The following ZW10 variants were observed in gnomAD, a reference collection of about 807,000 sequenced individuals.
ZW10 encodes the protein centromere/kinetochore protein zw10 homolog.
In ZW10, 53 loss-of-function variants were observed where a neutral mutation model predicts 87.8. That is an observed-to-expected ratio of 0.60 (90% CI 0.48 to 0.76). ZW10 has a LOEUF of 0.76. Among genes scored for constraint, ZW10 ranks in the 30% least tolerant of loss-of-function variants. The probability of loss-of-function intolerance (pLI) is 0.00; values close to 1 mark genes in which losing one functional copy is unlikely to be tolerated. For missense variants in ZW10, 837 were observed against 923.0 expected (o/e 0.91, Z 1.21); for synonymous variants, 312 against 329.2 (o/e 0.95, Z 0.57).
chr11:113,768,219 C>T (rs1315542360), intron 2 of ZW10, among the ~76,000 whole-genome samples: 1 of 152,198 alleles, frequency 6.6e-6, no homozygotes. Flanking sequence ...TCCCATATGA[C>T]AGAGCTTCAA....
intron 7 of ZW10, among the ~76,000 whole-genome samples, chr11:113,754,830 C>A (rs2134884091): frequency 6.6e-6 from 1 of 152,166 alleles, no homozygotes; most frequent in African/African-American, 2.4e-5. Context: ...TTACCCATAG[C>A]AATACCCAGG....
In ZW10 at chr11:113,773,634, G is replaced by C. The variant is rs1266684950; in HGVS notation, c.33C>G (p.His11Gln). 5 of 1,614,032 alleles carry C rather than the reference G, an allele frequency of 3.1e-6. No individual in the cohort carries two copies. Among genetic ancestry groups the C allele is most frequent in the Non-Finnish European group, 4.2e-6 (5 of 1,179,972 alleles). Residue 11 changes from histidine to glutamine, a missense_variant, in exon 1 of 16, where the codon CAC becomes CAG. Physicochemically the swap from His to Gln is conservative, Grantham distance 24. Transcript: ENST00000200135. MASFVTEVLA[H>Q]SGRLEKEDLG... ...GATCCTCCTTTTCCAGCCTCCCGGA[G>C]TGTGCCAAAACTTCTGTCACGAACG...
intron 2 of ZW10, among the ~76,000 whole-genome samples, chr11:113,766,182 G>A (rs1413751073): frequency 6.6e-6 from 1 of 151,380 alleles, no homozygotes; most frequent in Non-Finnish European, 1.5e-5. Context: ...ACCAGCCTGG[G>A]CAACATTGTG....
In ZW10 at chr11:113,741,716, C is replaced by T; in HGVS notation, c.1561G>A (p.Asp521Asn). The T allele has an allele frequency of 1.9e-6, 3 of 1,607,112 alleles. No individual in the cohort carries two copies. The highest frequency in any genetic ancestry group is 2.5e-6 in the Non-Finnish European group (3 of 1,176,672). ...SVRNIFHLFH[D>N]VVPTYHKENL... ...TACTTGTGATATGTTGGTACAACAT[C>T]ATGGAACAAATGGAAGATATTCCTC... The change falls in exon 11 of 16, where the codon GAT becomes AAT. Residue 521 changes from aspartate (D) to asparagine (N), a missense_variant. Physicochemically the swap from Asp to Asn is conservative, Grantham distance 23 (BLOSUM62 1). Transcript: ENST00000200135.
chr11:113,750,590 C>A (rs1953724438), intron 7 of ZW10, among the ~76,000 whole-genome samples: 1 of 152,166 alleles, frequency 6.6e-6, no homozygotes, highest in Admixed American at 6.5e-5. Flanking sequence ...AGGCATGAGC[C>A]ACCGCGCCTG....
intron 7 of ZW10, among the ~76,000 whole-genome samples, chr11:113,754,918 G>A (rs1953767564): frequency 6.6e-6 from 1 of 152,262 alleles, no homozygotes. Flanking sequence ...TTGGATTACA[G>A]GTGTGAGCTA....
intron 2 of ZW10, among the ~76,000 whole-genome samples, chr11:113,764,903 A>G: frequency 6.6e-6 from 1 of 151,572 alleles, no homozygotes; most frequent in East Asian, 1.9e-4. Context: ...TTTTCTGACC[A>G]CTCCGTATAT....
chr11:113,741,626 G>A (rs1276486135), intron 11 of ZW10, 68 bp downstream of exon 11: 1 of 1,044,616 alleles, frequency 9.6e-7, no homozygotes, highest in Non-Finnish European at 1.4e-6. Context: ...AAAATTATTT[G>A]TTTTAACTTA....
chr11:113,752,451 T>G (rs1441879510), intron 7 of ZW10, among the ~76,000 whole-genome samples: 1 of 152,214 alleles, frequency 6.6e-6, no homozygotes, highest in Non-Finnish European at 1.5e-5. Context: ...TACTGGTTTT[T>G]GGGGTTTTAT....
Position 113,738,316 on chromosome 11 carries a change from G to A in ZW10, c.1832C>T (p.Ser611Leu). Reference protein sequence around the residue: ...LERLSSARNFSNMDDEENYSA... With the variant: ...LERLSSARNFLNMDDEENYSA... ...ATAATTCTCTTCATCGTCCATATTT[G>A]AAAAGTTCCTAGCACTTGATAATCT... The change falls in exon 13 of 16, where the codon TCA becomes TTA. Residue 611 changes from serine (S) to leucine (L), a missense_variant. Ser to Leu is a moderately radical substitution (Grantham distance 145). Coordinates refer to ENST00000200135, the MANE Select transcript of ZW10 (RefSeq NM_004724.4). 6.2e-7 allele frequency: 1 copy of A among 1,613,086 alleles called. No homozygotes were observed. The highest frequency in any genetic ancestry group is 1.1e-5 in the South Asian group (1 of 90,890).
chr11:113,773,138 G>T (rs1282294537), intron 1 of ZW10, among the ~76,000 whole-genome samples: 1 of 151,912 alleles, frequency 6.6e-6, no homozygotes, highest in East Asian at 1.9e-4. Flanking sequence ...GGAAGAAGGG[G>T]AAGGGGGATC....
chr11:113,763,037 C>G lies in ZW10; in HGVS notation c.241-2119G>C, dbSNP rs1403451695. Among the ~76,000 whole-genome samples, 4 of 152,262 alleles carry G rather than the reference C, an allele frequency of 2.6e-5. No individual in the cohort carries two copies. In the South Asian group the frequency reaches 8.3e-4, roughly 32 times the overall value. On this transcript the variant is annotated intron_variant, in intron 2 of 15. Coordinates refer to ENST00000200135, the MANE Select transcript of ZW10 (RefSeq NM_004724.4). Reference sequence around the variant, plus strand: ...CCCTCACCCCTCGTCCCCCACCAGGCCCTGGTGTGTGTTGTTCCCCTCTTT... The same window carrying G: ...CCCTCACCCCTCGTCCCCCACCAGGGCCTGGTGTGTGTTGTTCCCCTCTTT...
At chr11:113,744,488 G>A (rs1464686545) in intron 9 of ZW10, among the ~76,000 whole-genome samples, 5 of 152,178 alleles carry the variant, frequency 3.3e-5, no homozygotes, top group Non-Finnish European at 7.4e-5. Flanking sequence ...GTAATTAAAA[G>A]ATTTCAATAA....
At position 113,733,492 on chromosome 11, in the gene ZW10, A is replaced by C; in HGVS notation, c.*202T>G. ...GAAAGTCAATGAATTGAGGTGCTTT[A>C]CTTGACAATTTATCTTAATAAACAG... On this transcript the variant is annotated 3_prime_UTR_variant, in exon 16 of 16. Coordinates refer to ENST00000200135, the MANE Select transcript of ZW10 (RefSeq NM_004724.4). 1 of 590,176 alleles carries C rather than the reference A, an allele frequency of 1.7e-6. No individual in the cohort carries two copies. The highest frequency in any genetic ancestry group is 2.9e-6 in the Non-Finnish European group (1 of 346,156). The allele number at this position is 590,176 out of a possible 1,614,324, so 36.6% of individuals were successfully genotyped here. A position where few individuals can be genotyped will look rare whatever the true frequency, so the allele number is the denominator to read the frequency against.
At chr11:113,740,205 C>T (rs1357657786) in intron 11 of ZW10, among the ~76,000 whole-genome samples, 2 of 151,744 alleles carry the variant, frequency 1.3e-5, no homozygotes, top group Non-Finnish European at 2.9e-5. Flanking sequence ...GAAAAAAACA[C>T]ACCTGGGCCT....
At chr11:113,771,974 A>G (rs1195011567) in intron 1 of ZW10, among the ~76,000 whole-genome samples, 2 of 152,380 alleles carry the variant, frequency 1.3e-5, no homozygotes, top group South Asian at 2.1e-4. Flanking sequence ...AATGTAATAC[A>G]GCAACAAAGT....
chr11:113,758,365 C>A (rs1477389986), intron 6 of ZW10, among the ~76,000 whole-genome samples, 189 bp downstream of exon 6: 5 of 74,450 alleles, frequency 6.7e-5, no homozygotes, highest in Admixed American at 1.8e-4. Flanking sequence ...AAAATAGGAA[C>A]AGTTGAAAAA....
chr11:113,760,691 T>TAAAAAAAA, intron 3 of ZW10, 101 bp from the exon 4 acceptor site: 1 of 747,974 alleles, frequency 1.3e-6, no homozygotes, highest in Non-Finnish European at 1.9e-6. Context: ...CTCCCCCCTC[T>TAAAAAAAA]AAAAAAAAAA....
intron 1 of ZW10, among the ~76,000 whole-genome samples, chr11:113,771,008 C>T (rs1337032311): frequency 1.4e-5 from 2 of 146,596 alleles, no homozygotes; most frequent in South Asian, 2.2e-4. Context: ...AGTCTCACTC[C>T]GTCGCCCAGG....
Sources: gnomAD v4.1 joint callset for allele counts (sites outside exome capture counted in the v4.1 genomes callset) on GRCh38, gnomAD v4.1.1 for gene constraint, MANE v1.5 for transcripts, NCBI Gene and HGNC (gene_info 2026-07-23, HGNC 2026-07-21) for gene names.